Variants in GINM1 observed in about 807,000 individuals in gnomAD.
GINM1 encodes glycosylated integral membrane protein 1.
In GINM1, 29 loss-of-function variants were observed where a neutral mutation model predicts 37.8. The observed-to-expected ratio is 0.77, with a 90% CI of 0.57 to 1.05. The LOEUF (loss-of-function observed/expected upper bound fraction) is 1.05. GINM1 is among the 50% of genes least tolerant of loss of function. The pLI is 0.00. For synonymous variants in GINM1, 143 were observed against 146.2 expected, an observed-to-expected ratio of 0.98 and a Z score of 0.16; for missense variants, 377 against 397.9, an observed-to-expected ratio of 0.95 and a Z score of 0.45.
chr6:149,567,469 C>T (rs1409156498), intron 1 of GINM1, among the ~76,000 whole-genome samples: 1 of 152,098 alleles, frequency 6.6e-6, no homozygotes, highest in Non-Finnish European at 1.5e-5. Flanking sequence ...GGTGAAACCC[C>T]GTCTCTACTA....
chr6:149,579,711 G>T, intron 4 of GINM1, 123 bp from the exon 5 acceptor site: 1 of 492,796 alleles, frequency 2.0e-6, no homozygotes, highest in Non-Finnish European at 3.5e-6. Context: ...AAAAAAAAAA[G>T]AGTAATTGTC....
chr6:149,575,475 G>A (rs996779542), intron 3 of GINM1, among the ~76,000 whole-genome samples: 15 of 152,156 alleles, frequency 9.9e-5, no homozygotes, highest in African/African-American at 2.4e-4. Context: ...CCTCCTAGTC[G>A]TTGCTTTCTA....
intron 7 of GINM1, among the ~76,000 whole-genome samples, chr6:149,586,259 A>G (rs1778068746): frequency 6.6e-6 from 1 of 152,160 alleles, no homozygotes; most frequent in Admixed American, 6.5e-5. Flanking sequence ...ATGTGCAGAG[A>G]TCACATATCA....
At position 149,591,410 on chromosome 6, in the gene GINM1, A is replaced by G. The variant is rs182782326; in HGVS notation, c.*572A>G. 4.5e-4 allele frequency: 69 copies of G among 151,676 alleles called. No individual in the cohort carries two copies. The highest frequency in any genetic ancestry group is 1.5e-3 in the African/African-American group (64 of 41,450). 9.4% of individuals were successfully genotyped at this position (151,676 alleles called of 1,614,324 possible). ...AAGAGACTTTGAAATTATCAAAAGA[A>G]AAAAAAAAGACCAGACAAAATCTCA... On this transcript the variant is annotated 3_prime_UTR_variant, in exon 8 of 8. Coordinates refer to ENST00000367419, the MANE Select transcript of GINM1 (RefSeq NM_138785.5).
chr6:149,583,041 A>G (rs1778024294), intron 7 of GINM1, among the ~76,000 whole-genome samples: 1 of 152,192 alleles, frequency 6.6e-6, no homozygotes, highest in East Asian at 1.9e-4. Flanking sequence ...AAATAAAAGC[A>G]AAATAGGCTG....
intron 1 of GINM1, among the ~76,000 whole-genome samples, chr6:149,569,751 A>G (rs1334673783): frequency 6.6e-6 from 1 of 152,174 alleles, no homozygotes; most frequent in African/African-American, 2.4e-5. Flanking sequence ...TATTTCGCTC[A>G]GACGTATTTT....
intron 1 of GINM1, among the ~76,000 whole-genome samples, chr6:149,570,838 A>G (rs1236470059): frequency 3.3e-5 from 5 of 152,210 alleles, no homozygotes; most frequent in Non-Finnish European, 4.4e-5. Flanking sequence ...AAAGAATTTG[A>G]TTTAGAAATG....
At chr6:149,578,525 C>CAAAAAAAAAAAAAAAAAAAAAAAAAAAA (rs145601764) in intron 3 of GINM1, among the ~76,000 whole-genome samples, 1 of 71,420 alleles carries the variant, frequency 1.4e-5, no homozygotes. Context: ...GACTCCATCT[C>CAAAAAAAAAAAAAAAAAAAAAAAAAAAA]AAAAAAAAAA....
chr6:149,591,021 G>C lies in GINM1; in HGVS notation c.*183G>C. The C allele has an allele frequency of 3.8e-6, 2 of 520,582 alleles. No individual in the cohort carries two copies. Among genetic ancestry groups the C allele is most frequent in the Non-Finnish European group, 6.8e-6 (2 of 295,224 alleles). 32.2% of individuals were successfully genotyped at this position (520,582 alleles called of 1,614,324 possible). On this transcript the variant is annotated 3_prime_UTR_variant, in exon 8 of 8. Transcript: ENST00000367419. ...AAGTTTACCTTATTCTCGGCCGGGT[G>C]CAGTGGCTCATGCCTGTAATCCCAG... is the stretch of plus-strand genomic sequence containing the variant.
chr6:149,574,091 T>C (rs1025913933), intron 3 of GINM1, among the ~76,000 whole-genome samples: 11 of 149,132 alleles, frequency 7.4e-5, no homozygotes, highest in African/African-American at 1.5e-4. Context: ...GCTCTTGTTG[T>C]CCAGGCTGGA....
At chr6:149,582,128 T>G (rs1179552616) in intron 6 of GINM1, 11 of 493,386 alleles carry the variant, frequency 2.2e-5, no homozygotes, top group Non-Finnish European at 4.1e-5. Context: ...TCTTGTCAAT[T>G]AGCAATTATT....
intron 1 of GINM1, among the ~76,000 whole-genome samples, chr6:149,571,926 C>T (rs1777828415): frequency 1.3e-5 from 2 of 151,928 alleles, no homozygotes; most frequent in Admixed American, 6.6e-5. Flanking sequence ...ACTAAAAATA[C>T]AAACATTAGC....
chr6:149,570,716 T>C (rs945660387), intron 1 of GINM1, among the ~76,000 whole-genome samples: 1 of 152,252 alleles, frequency 6.6e-6, no homozygotes, highest in Non-Finnish European at 1.5e-5. Flanking sequence ...TTCTTTTTGA[T>C]GTTTATGAAC....
chr6:149,574,231 A>G (rs957629531), intron 3 of GINM1, among the ~76,000 whole-genome samples: 1 of 151,686 alleles, frequency 6.6e-6, no homozygotes, highest in Non-Finnish European at 1.5e-5. Flanking sequence ...TTGTATTTTT[A>G]GTAGAGATGG....
intron 1 of GINM1, among the ~76,000 whole-genome samples, chr6:149,570,672 T>C (rs1259846647): frequency 1.3e-5 from 2 of 152,204 alleles, no homozygotes; most frequent in Non-Finnish European, 2.9e-5. Flanking sequence ...ATAAAGTATT[T>C]AGGATACTCA....
intron 1 of GINM1, among the ~76,000 whole-genome samples, chr6:149,572,015 A>T (rs1422875341): frequency 1.3e-5 from 2 of 152,072 alleles, no homozygotes; most frequent in Non-Finnish European, 2.9e-5. Context: ...CAGGAGATGG[A>T]GATTGCAGTG....
At chr6:149,567,232 T>A (rs1185566491) in intron 1 of GINM1, among the ~76,000 whole-genome samples, 1 of 152,140 alleles carries the variant, frequency 6.6e-6, no homozygotes, top group African/African-American at 2.4e-5. Flanking sequence ...ATCCTAACAT[T>A]AAAACGTGGC....
chr6:149,578,795 A>G (rs567809378), intron 3 of GINM1, 27 bp from the exon 4 acceptor site: 5 of 1,474,660 alleles, frequency 3.4e-6, no homozygotes, highest in Admixed American at 1.9e-5. Context: ...TCTTTGTTCA[A>G]AGGTGTCACT....
chr6:149,582,680 A>G (rs117938827), intron 7 of GINM1, 77 bp downstream of exon 7: 13,194 of 1,055,512 alleles, frequency 0.013, 131 homozygotes, highest in Middle Eastern at 0.024. Flanking sequence ...GTTTTAGAAT[A>G]GAAAATATAA....
Sources: gnomAD v4.1 joint callset for allele counts (sites outside exome capture counted in the v4.1 genomes callset) on GRCh38, gnomAD v4.1.1 for gene constraint, MANE v1.5 for transcripts, NCBI Gene and HGNC (gene_info 2026-07-23, HGNC 2026-07-21) for gene names.